Variants in CADM1 observed in about 807,000 individuals in gnomAD.
CADM1 encodes cell adhesion molecule 1.
A neutral mutation model predicts 53.1 loss-of-function variants in CADM1; 15 were observed. That is an observed-to-expected ratio of 0.28 (90% CI 0.19 to 0.44). The LOEUF (loss-of-function observed/expected upper bound fraction) is 0.44. Among genes scored for constraint, CADM1 ranks in the 20% least tolerant of loss-of-function variants. CADM1 has a pLI of 1.00. For missense variants in CADM1, 434 were observed against 611.3 expected, an observed-to-expected ratio of 0.71 and a Z score of 3.06; for synonymous variants, 281 against 243.0, an observed-to-expected ratio of 1.16 and a Z score of -1.45.
At chr11:115,453,363 AC>A (rs1394162557) in intron 1 of CADM1, among the ~76,000 whole-genome samples, 1 of 139,652 alleles carries the variant, frequency 7.2e-6, no homozygotes, top group Non-Finnish European at 1.5e-5. Flanking sequence ...GAAACCCTAT[AC>A]CCCCCTCGCC....
At chr11:115,255,595 C>A (rs914259225) in intron 1 of CADM1, among the ~76,000 whole-genome samples, 3 of 152,050 alleles carry the variant, frequency 2.0e-5, no homozygotes, top group African/African-American at 4.8e-5. Flanking sequence ...CAAAGGAGAT[C>A]CTAGAAAGAG....
intron 1 of CADM1, among the ~76,000 whole-genome samples, chr11:115,422,862 A>T (rs1259698932): frequency 6.6e-6 from 1 of 152,160 alleles, no homozygotes; most frequent in Non-Finnish European, 1.5e-5. Flanking sequence ...TTTTTCTGAC[A>T]CTCAGAAACG....
At chr11:115,260,711 T>TCA (rs914039548) in intron 1 of CADM1, among the ~76,000 whole-genome samples, 2 of 152,102 alleles carry the variant, frequency 1.3e-5, no homozygotes, top group African/African-American at 2.4e-5. Flanking sequence ...CTCGCTCTGT[T>TCA]GCCCAGGCTG....
chr11:115,272,923 C>T (rs577753830), intron 1 of CADM1, among the ~76,000 whole-genome samples: 2 of 151,976 alleles, frequency 1.3e-5, no homozygotes, highest in African/African-American at 2.4e-5. Flanking sequence ...AAAAAAGCAA[C>T]GACGTGAAGT....
intron 8 of CADM1, among the ~76,000 whole-genome samples, chr11:115,209,098 G>T (rs1187670744): frequency 6.6e-6 from 1 of 152,168 alleles, no homozygotes; most frequent in African/African-American, 2.4e-5. Context: ...CTTGTCAGCG[G>T]GTACTCTCTG....
At chr11:115,378,626 C>G (rs1946497976) in intron 1 of CADM1, among the ~76,000 whole-genome samples, 1 of 151,894 alleles carries the variant, frequency 6.6e-6, no homozygotes, top group Non-Finnish European at 1.5e-5. Flanking sequence ...TTTTGTAGAG[C>G]CTGGAAGCTA....
intron 1 of CADM1, among the ~76,000 whole-genome samples, chr11:115,250,543 T>C (rs1275675894): frequency 3.3e-5 from 5 of 152,210 alleles, no homozygotes; most frequent in Non-Finnish European, 5.9e-5. Flanking sequence ...ATTCTCCACA[T>C]GTATAGAGGC....
chr11:115,336,338 A>G (rs865863781), intron 1 of CADM1, among the ~76,000 whole-genome samples: 1 of 152,288 alleles, frequency 6.6e-6, no homozygotes, highest in African/African-American at 2.4e-5. Context: ...TTTTCATCTC[A>G]TCGATCCCTC....
At position 115,497,710 on chromosome 11, in the gene CADM1, T is replaced by C. The variant is rs547704007; in HGVS notation, c.124+6561A>G. Among the ~76,000 whole-genome samples the C allele has an allele frequency of 9.1e-4, 139 of 152,320 alleles. 1 individual carries two copies. In the South Asian group the frequency reaches 0.011, roughly 12 times the overall value. ...ACATTCCAGTGGGTTCCTTCCTTCATTGATGGTTTCCAAACTAAGGCTTTT... is the reference window on the plus strand; with the variant it reads ...ACATTCCAGTGGGTTCCTTCCTTCACTGATGGTTTCCAAACTAAGGCTTTT... On this transcript the variant is annotated intron_variant, in intron 1 of 11. Transcript: ENST00000331581.
At position 115,357,198 on chromosome 11, in the gene CADM1, C is replaced by A. The variant is rs1023774521; in HGVS notation, c.125-116778G>T. On this transcript the variant is annotated intron_variant, in intron 1 of 11. Coordinates refer to ENST00000331581, the MANE Select transcript of CADM1 (RefSeq NM_001301043.2). ...GTGCTGGCAGAAGCCCAGGCTCCCC[C>A]AAAGGCATTCGCTCCTGCTGTACCC... 2.0e-5 allele frequency among the ~76,000 whole-genome samples: 3 copies of A among 152,180 alleles called. No homozygotes were observed. In the East Asian group the frequency reaches 5.8e-4, roughly 29 times the overall value.
chr11:115,185,996 G>A (rs1939527152), intron 10 of CADM1, among the ~76,000 whole-genome samples: 1 of 152,126 alleles, frequency 6.6e-6, no homozygotes, highest in Non-Finnish European at 1.5e-5. Flanking sequence ...TTTTAACTTT[G>A]GAAGAAAAGT....
chr11:115,180,926 T>C (rs1939280729), intron 10 of CADM1, among the ~76,000 whole-genome samples: 2 of 152,182 alleles, frequency 1.3e-5, no homozygotes, highest in South Asian at 4.1e-4. Context: ...CGATGAACTC[T>C]GTATGTTTTA....
intron 1 of CADM1, among the ~76,000 whole-genome samples, chr11:115,500,841 A>T (rs1949711858): frequency 6.6e-6 from 1 of 152,184 alleles, no homozygotes; most frequent in South Asian, 2.1e-4. Context: ...GATTTTAGAG[A>T]GTGTGGAGAG....
rs370103646 is a variant in CADM1, at chr11:115,238,695, C to T, written c.272-43G>A. On this transcript the variant is annotated intron_variant, in intron 2 of 11. Transcript: ENST00000331581. ...GAGTTAGTGATTGTGAGAAGGTGGA[C>T]GGACAGTCTATTTTCCTTAATTATT... The T allele has an allele frequency of 1.1e-5, 18 of 1,592,768 alleles. 1 individual carries two copies. Among genetic ancestry groups the T allele is most frequent in the South Asian group, 2.2e-5 (2 of 90,678 alleles).
intron 1 of CADM1, among the ~76,000 whole-genome samples, chr11:115,308,562 T>TA (rs1480968623): frequency 6.6e-6 from 1 of 152,044 alleles, no homozygotes; most frequent in Non-Finnish European, 1.5e-5. Context: ...ACAGTAGTGT[T>TA]AGAGTGATTT....
chr11:115,432,690 G>A (rs1311247309), intron 1 of CADM1, among the ~76,000 whole-genome samples: 2 of 152,122 alleles, frequency 1.3e-5, no homozygotes, highest in Admixed American at 6.5e-5. Flanking sequence ...ATATGAGAAG[G>A]GATTTATTGA....
intron 1 of CADM1, among the ~76,000 whole-genome samples, chr11:115,317,311 G>A (rs1376279097): frequency 3.3e-5 from 5 of 152,174 alleles, no homozygotes; most frequent in South Asian, 4.1e-4. Context: ...AGATGAACAC[G>A]AAAAATTTAA....
chr11:115,463,510 AGAAT>A (rs1327758726), intron 1 of CADM1, among the ~76,000 whole-genome samples: 1 of 152,354 alleles, frequency 6.6e-6, no homozygotes, highest in East Asian at 1.9e-4. Context: ...ACCTCAAAAG[AGAAT>A]GAGATATATA....
intron 1 of CADM1, among the ~76,000 whole-genome samples, chr11:115,319,387 G>A (rs528634560): frequency 1.1e-4 from 17 of 152,208 alleles, no homozygotes; most frequent in Admixed American, 4.6e-4. Context: ...TGGTGAAGCA[G>A]AAAAAAGAAG....
Sources: gnomAD v4.1 joint callset for allele counts (sites outside exome capture counted in the v4.1 genomes callset) on GRCh38, gnomAD v4.1.1 for gene constraint, MANE v1.5 for transcripts, NCBI Gene and HGNC (gene_info 2026-07-23, HGNC 2026-07-21) for gene names.